Variants in OLA1 observed in about 807,000 individuals in gnomAD.
OLA1 encodes Obg like ATPase 1, also known as obg-like ATPase 1.
OLA1 carries 14 observed loss-of-function variants against 48.4 expected under a neutral mutation model. The ratio of observed to expected loss-of-function variants is 0.29; its 90% CI spans 0.19 to 0.45. OLA1 has a LOEUF of 0.45. Ranked by LOEUF, OLA1 falls within the 20% of genes least tolerant of loss-of-function variation. The pLI is 1.00. For synonymous variants in OLA1, 127 were observed against 150.4 expected (o/e 0.84, Z 1.14); for missense variants, 325 against 467.1 (o/e 0.70, Z 2.80).
intron 2 of OLA1, among the ~76,000 whole-genome samples, chr2:174,235,440 C>T (rs1391238962): frequency 6.6e-6 from 1 of 152,062 alleles, no homozygotes; most frequent in African/African-American, 2.4e-5. Context: ...CAAGAACTGC[C>T]CTCCTGCTAC....
At chr2:174,232,422 G>A (rs539486863) in intron 2 of OLA1, among the ~76,000 whole-genome samples, 11 of 152,208 alleles carry the variant, frequency 7.2e-5, no homozygotes, top group Non-Finnish European at 1.6e-4. Flanking sequence ...ACACAAATAC[G>A]TAAGATGACA....
At chr2:174,209,240 T>C (rs1352750914) in intron 4 of OLA1, among the ~76,000 whole-genome samples, 1 of 152,172 alleles carries the variant, frequency 6.6e-6, no homozygotes, top group African/African-American at 2.4e-5. Context: ...CTTGCCAGCA[T>C]AAAAATCATC....
intron 7 of OLA1, among the ~76,000 whole-genome samples, chr2:174,114,341 CAAAAAAAAAAAAAAAAA>C (rs76471043): frequency 6.6e-5 from 4 of 60,646 alleles, no homozygotes; most frequent in African/African-American, 1.8e-4. Flanking sequence ...GACTCCGCCT[CAAAAAAAAAAAAAAAAA>C]AAAAAAAAAA....
At chr2:174,082,523 T>A (rs1684879900) in intron 7 of OLA1, among the ~76,000 whole-genome samples, 1 of 152,184 alleles carries the variant, frequency 6.6e-6, no homozygotes, top group South Asian at 2.1e-4. Flanking sequence ...CAGCCAGATA[T>A]CTATATGCCT....
At chr2:174,110,827 CTGCCTCGG>C (rs1685631548) in intron 7 of OLA1, among the ~76,000 whole-genome samples, 1 of 152,144 alleles carries the variant, frequency 6.6e-6, no homozygotes, top group South Asian at 2.1e-4. Flanking sequence ...AATGATCCTC[CTGCCTCGG>C]TCTCCCAAAG....
At chr2:174,145,934 G>A (rs779936534) in intron 4 of OLA1, among the ~76,000 whole-genome samples, 1 of 152,196 alleles carries the variant, frequency 6.6e-6, no homozygotes, top group Non-Finnish European at 1.5e-5. Flanking sequence ...GCACGTATGT[G>A]TGTGCTGAGA....
intron 5 of OLA1, among the ~76,000 whole-genome samples, chr2:174,132,594 C>T (rs1022813725): frequency 1.3e-5 from 2 of 152,092 alleles, no homozygotes; most frequent in African/African-American, 4.8e-5. Context: ...TTCTTTGAAA[C>T]ATGACATCTT....
intron 4 of OLA1, among the ~76,000 whole-genome samples, chr2:174,163,718 ATATATATATATATATATATATATAT>A (rs1687074436): frequency 1.3e-4 from 1 of 7,678 alleles, no homozygotes; most frequent in Non-Finnish European, 2.4e-4. Context: ...ATAAATATAT[ATATATATATATATATATATATATAT>A]ATATATATAT....
At chr2:174,217,310 C>T (rs976468732) in intron 4 of OLA1, among the ~76,000 whole-genome samples, 3 of 151,896 alleles carry the variant, frequency 2.0e-5, no homozygotes, top group African/African-American at 7.3e-5. Context: ...CTAATCCACT[C>T]GCCTCAGCCT....
intron 4 of OLA1, among the ~76,000 whole-genome samples, chr2:174,143,010 G>T (rs921155281): frequency 1.2e-4 from 19 of 152,218 alleles, no homozygotes; most frequent in African/African-American, 4.6e-4. Context: ...GAGTTTGATT[G>T]AGTTTGGTAA....
At chr2:174,228,459 A>G (rs1046293747) in intron 3 of OLA1, among the ~76,000 whole-genome samples, 2 of 152,186 alleles carry the variant, frequency 1.3e-5, no homozygotes. Flanking sequence ...ATATCCCCAA[A>G]GTATTTACAA....
At chr2:174,247,659 T>A (rs1456434554) in intron 1 of OLA1, 1 of 1,551,006 alleles carries the variant, frequency 6.4e-7, no homozygotes. Flanking sequence ...TTCACATAGA[T>A]GAACACCCAC....
At position 174,091,869 on chromosome 2, in the gene OLA1, C is replaced by CAAAAAAAAAAAAAAAAA. The variant is rs1174747360; in HGVS notation, c.729-9822_729-9806dup. 4.4e-4 allele frequency among the ~76,000 whole-genome samples: 10 copies of CAAAAAAAAAAAAAAAAA among 22,982 alleles called. 3 individuals carry two copies. The highest frequency in any genetic ancestry group is 7.7e-4 in the Non-Finnish European group (8 of 10,402). 15.1% of individuals were successfully genotyped at this position (22,982 alleles called of 152,430 possible). ...CCTGGGAGACAGCGAGACTCTGCCT[C>CAAAAAAAAAAAAAAAAA]AAAAAAAAAAAAAAAAAAAAAAAAA... On this transcript the variant is annotated intron_variant, in intron 7 of 10. Transcript: ENST00000284719.
chr2:174,207,771 A>G (rs993235246), intron 4 of OLA1, among the ~76,000 whole-genome samples: 1 of 108,342 alleles, frequency 9.2e-6, no homozygotes. Context: ...AAGTAAAATC[A>G]AACAGAAATT....
At chr2:174,080,863 C>T (rs777112847) in intron 9 of OLA1, 1 of 278,372 alleles carries the variant, frequency 3.6e-6, no homozygotes, top group Non-Finnish European at 6.8e-6. Context: ...ATTAAGCAAG[C>T]ACAATACTGG....
rs371050536 is a variant in OLA1 at position 174,155,643 on chromosome 2, A to T, written c.374-13643T>A. 4.6e-5 allele frequency among the ~76,000 whole-genome samples: 7 copies of T among 152,232 alleles called. No homozygotes were observed. In the East Asian group the frequency reaches 1.2e-3, roughly 25 times the overall value. ...GTGTTTGCATTAGATTACATATTTT[A>T]GTAAATACAAACAATTGTTTAAATG... On this transcript the variant is annotated intron_variant, in intron 4 of 10. Transcript: ENST00000284719.
chr2:174,219,424 T>A (rs77119140), intron 4 of OLA1, among the ~76,000 whole-genome samples: 1 of 75,010 alleles, frequency 1.3e-5, no homozygotes, highest in East Asian at 2.5e-4. Flanking sequence ...TTTATTTCCC[T>A]TTTTTTTTTT....
At position 174,229,289 on chromosome 2, in the gene OLA1, AG is replaced by A. The variant is rs1688677397; in HGVS notation, c.245+18del. Reference sequence around the variant, plus strand: ...ATCTACACAAAATCACCAAATAAATAGCATAAAATATCTCTTACCTTGCTGG... The same window carrying A: ...ATCTACACAAAATCACCAAATAAATACATAAAATATCTCTTACCTTGCTGG... On this transcript the variant is annotated intron_variant, in intron 3 of 10. Coordinates refer to ENST00000284719, the MANE Select transcript of OLA1 (RefSeq NM_013341.5). The A allele has an allele frequency of 6.2e-7, 1 of 1,608,788 alleles. No homozygotes were observed. Among genetic ancestry groups the A allele is most frequent in the Non-Finnish European group, 8.5e-7 (1 of 1,178,358 alleles).
intron 7 of OLA1, 44 bp from the exon 8 acceptor site, chr2:174,082,108 T>C (rs1684869550): frequency 6.3e-7 from 1 of 1,597,846 alleles, no homozygotes; most frequent in Non-Finnish European, 8.6e-7. Context: ...AGTGCATGCA[T>C]GACTGTACCA....
Sources: gnomAD v4.1 joint callset for allele counts (sites outside exome capture counted in the v4.1 genomes callset) on GRCh38, gnomAD v4.1.1 for gene constraint, MANE v1.5 for transcripts, NCBI Gene and HGNC (gene_info 2026-07-23, HGNC 2026-07-21) for gene names.